Variants in ADAMDEC1 observed in about 807,000 individuals in gnomAD.
ADAMDEC1 encodes the protein ADAM like decysin 1.
A neutral mutation model predicts 60.4 loss-of-function variants in ADAMDEC1; 62 were observed. The observed-to-expected ratio is 1.03, with a 90% CI of 0.84 to 1.27. The LOEUF is 1.27. Among genes scored for constraint, ADAMDEC1 ranks in the 50% most tolerant of loss-of-function variants. ADAMDEC1 has a pLI of 0.00. For synonymous variants in ADAMDEC1, 210 were observed against 195.1 expected, an observed-to-expected ratio of 1.08 and a Z score of -0.64; for missense variants, 595 against 565.0, an observed-to-expected ratio of 1.05 and a Z score of -0.54.
chr8:24,402,838 C>G (rs1227089830), intron 12 of ADAMDEC1, among the ~76,000 whole-genome samples: 1 of 152,102 alleles, frequency 6.6e-6, no homozygotes, highest in African/African-American at 2.4e-5. Context: ...ACTACACAGC[C>G]TAACTTAGTC....
chr8:24,396,425 T>C (rs950059188), intron 5 of ADAMDEC1, among the ~76,000 whole-genome samples: 3 of 152,008 alleles, frequency 2.0e-5, no homozygotes, highest in Non-Finnish European at 1.5e-5. Flanking sequence ...GGCAGGAGAA[T>C]GGCATGAACC....
intron 2 of ADAMDEC1, 33 bp from the exon 3 acceptor site, chr8:24,393,227 AAT>A (rs1277813144): frequency 1.5e-6 from 2 of 1,330,970 alleles, no homozygotes; most frequent in South Asian, 2.6e-5. Flanking sequence ...TATGCTCAGA[AAT>A]ATAAATTGCT....
chr8:24,394,227 A>G (rs1398896679), intron 4 of ADAMDEC1, 80 bp downstream of exon 4: 1 of 1,099,968 alleles, frequency 9.1e-7, no homozygotes, highest in African/African-American at 1.6e-5. Flanking sequence ...AGATCTCCAA[A>G]GGGCTCAATT....
chr8:24,401,563 C>T (rs538876167), intron 11 of ADAMDEC1, among the ~76,000 whole-genome samples: 9 of 152,158 alleles, frequency 5.9e-5, no homozygotes, highest in African/African-American at 2.2e-4. Context: ...TTATTATTAT[C>T]TCTTGCCCCT....
chr8:24,402,520 G>GA (rs1231574848), intron 12 of ADAMDEC1, among the ~76,000 whole-genome samples: 2 of 152,022 alleles, frequency 1.3e-5, no homozygotes, highest in East Asian at 3.9e-4. Context: ...AAGAGGAAAA[G>GA]AAAAAATAAT....
intron 12 of ADAMDEC1, 77 bp downstream of exon 12, chr8:24,402,169 C>A (rs146800376): frequency 1.5e-6 from 2 of 1,321,224 alleles, no homozygotes; most frequent in South Asian, 1.5e-5. Context: ...TTTGGAAATT[C>A]TTTCTAAAGA....
At position 24,397,763 on chromosome 8, in the gene ADAMDEC1, G is replaced by T; in HGVS notation, c.690+18G>T. 6.2e-7 allele frequency: 1 copy of T among 1,606,646 alleles called. No homozygotes were observed. The highest frequency in any genetic ancestry group is 8.5e-7 in the Non-Finnish European group (1 of 1,176,350). The stretch of plus-strand genomic sequence containing the variant: ...ATGCCTTTGTGAGTATGAAACACAC[G>T]GCCCTCTCGGCCAGTTCAGTCACCC... On this transcript the variant is annotated intron_variant, in intron 7 of 13. Transcript: ENST00000256412.
In ADAMDEC1 at chr8:24,384,401, C is replaced by A; in HGVS notation, c.-104C>A. On this transcript the variant is annotated 5_prime_UTR_variant, in exon 1 of 14. Transcript: ENST00000256412. ...ACAATTTCCCAACACTCTTAAGAAA[C>A]ATTCCCCAATCTCACACGAAAAGTG... 2.2e-6 allele frequency: 2 copies of A among 900,588 alleles called. No homozygotes were observed. The highest frequency in any genetic ancestry group is 3.3e-6 in the Non-Finnish European group (2 of 607,324). The allele number at this position is 900,588 out of a possible 1,614,324, so 55.8% of individuals were successfully genotyped here. A position where few individuals can be genotyped will look rare whatever the true frequency, so the allele number is the denominator to read the frequency against.
chr8:24,396,282 G>A (rs143438460), intron 5 of ADAMDEC1, among the ~76,000 whole-genome samples: 430 of 152,220 alleles, frequency 2.8e-3, no homozygotes, highest in African/African-American at 9.3e-3. Context: ...AGGGCGAGGC[G>A]GGCAGATCAG....
At chr8:24,403,913 T>G (rs542900150) in intron 12 of ADAMDEC1, 90 bp from the exon 13 acceptor site, 1 of 1,009,286 alleles carries the variant, frequency 9.9e-7, no homozygotes, top group South Asian at 1.5e-5. Flanking sequence ...AAGTAAACTT[T>G]CATTGCCATC....
At chr8:24,388,299 A>G (rs773542845) in intron 1 of ADAMDEC1, among the ~76,000 whole-genome samples, 2 of 152,028 alleles carry the variant, frequency 1.3e-5, no homozygotes, top group Non-Finnish European at 2.9e-5. Flanking sequence ...GCATAAAAAA[A>G]TCTTCAAACG....
chr8:24,401,889 T>C, intron 11 of ADAMDEC1, 26 bp from the exon 12 acceptor site: 1 of 1,572,674 alleles, frequency 6.4e-7, no homozygotes, highest in Admixed American at 1.8e-5. Context: ...GTATATCATA[T>C]TATTTGAGTT....
intron 1 of ADAMDEC1, among the ~76,000 whole-genome samples, chr8:24,389,323 T>G (rs2129357560): frequency 6.6e-6 from 1 of 152,288 alleles, no homozygotes; most frequent in African/African-American, 2.4e-5. Flanking sequence ...CTAGTCATCC[T>G]TGATTCCTCT....
Position 24,397,296 on chromosome 8 carries a change from G to A in ADAMDEC1, c.467G>A (p.Arg156Lys). The A allele has an allele frequency of 6.2e-7, 1 of 1,613,634 alleles. No individual in the cohort carries two copies. Among genetic ancestry groups the A allele is most frequent in the Non-Finnish European group, 8.5e-7 (1 of 1,179,878 alleles). The change falls in exon 6 of 14, where the codon AGA becomes AAA. Residue 156 changes from arginine (R) to lysine (K), a missense_variant. By Grantham distance (26) the Arg-to-Lys change is conservative. Coordinates refer to ENST00000256412, the MANE Select transcript of ADAMDEC1 (RefSeq NM_014479.3). The part of the protein sequence containing the change: ...LRGYFTHHHQ[R>K]YQIKPLKSTD... ...GGATACTTCACACATCATCACCAAA[G>A]ATACCAGATAAAACCTCTGAAAAGC...
intron 5 of ADAMDEC1, 137 bp from the exon 6 acceptor site, chr8:24,397,133 G>T (rs1298613809): frequency 2.0e-5 from 13 of 647,982 alleles, no homozygotes; most frequent in Middle Eastern, 3.7e-4. Context: ...TACATTACCA[G>T]AAGTTAGCTG....
intron 13 of ADAMDEC1, 57 bp from the exon 14 acceptor site, chr8:24,405,232 CATA>C (rs1402814502): frequency 4.8e-6 from 7 of 1,465,040 alleles, no homozygotes; most frequent in Admixed American, 3.4e-5. Context: ...ATCATTATTA[CATA>C]ATATTTTGTA....
Position 24,385,070 on chromosome 8 carries a change from C to T in ADAMDEC1, c.88+478C>T, listed in dbSNP as rs191166036. On this transcript the variant is annotated intron_variant, in intron 1 of 13. Coordinates refer to ENST00000256412, the MANE Select transcript of ADAMDEC1 (RefSeq NM_014479.3). ...AATGACTAGTTCTGGAAAAGGAACCCTTTTTGTCTTTGAGATTGATTATTG... is the reference window on the plus strand; with the variant it reads ...AATGACTAGTTCTGGAAAAGGAACCTTTTTTGTCTTTGAGATTGATTATTG... Among the ~76,000 whole-genome samples, 1,015 of 152,092 alleles carry T rather than the reference C, an allele frequency of 6.7e-3. 7 individuals carry two copies. The highest frequency in any genetic ancestry group is 0.024 in the African/African-American group (978 of 41,514).
chr8:24,399,083 C>T (rs1817693687), intron 9 of ADAMDEC1, 43 bp downstream of exon 9: 2 of 1,578,544 alleles, frequency 1.3e-6, no homozygotes, highest in Non-Finnish European at 1.7e-6. Flanking sequence ...GAATGGATAG[C>T]TATCCCCAGG....
At position 24,399,489 on chromosome 8, in the gene ADAMDEC1, A is replaced by G; in HGVS notation, c.1011+15A>G. 1.2e-6 allele frequency: 2 copies of G among 1,602,696 alleles called. No individual in the cohort carries two copies. Among genetic ancestry groups the G allele is most frequent in the Middle Eastern group, 3.3e-4 (2 of 6,034 alleles). ...CTGTTATTGAGGTTTGTAAATTTGT[A>G]GTAAGGCTCTCTGTGGTTCTGTATC... is the stretch of plus-strand genomic sequence containing the variant. On this transcript the variant is annotated intron_variant, in intron 10 of 13. Transcript: ENST00000256412.
Sources: gnomAD v4.1 joint callset for allele counts (sites outside exome capture counted in the v4.1 genomes callset) on GRCh38, gnomAD v4.1.1 for gene constraint, MANE v1.5 for transcripts, NCBI Gene and HGNC (gene_info 2026-07-23, HGNC 2026-07-21) for gene names.